Variants in POU2F1 observed in about 807,000 individuals in gnomAD.
POU2F1 encodes POU domain, class 2, transcription factor 1.
POU2F1 carries 16 observed loss-of-function variants against 84.9 expected under a neutral mutation model. The observed-to-expected ratio is 0.19, with a 90% CI of 0.13 to 0.29. POU2F1 has a LOEUF of 0.29. Ranked by LOEUF, POU2F1 falls within the 10% of genes least tolerant of loss-of-function variation. POU2F1 has a pLI of 1.00. For synonymous variants in POU2F1, 368 were observed against 368.3 expected (o/e 1.00, Z 0.01); for missense variants, 738 against 942.6 (o/e 0.78, Z 2.84).
At chr1:167,310,185 G>A (rs572459470) in intron 1 of POU2F1, among the ~76,000 whole-genome samples, 2 of 152,078 alleles carry the variant, frequency 1.3e-5, no homozygotes, top group Non-Finnish European at 2.9e-5. Flanking sequence ...TGGACTGTTA[G>A]AGAGGGGAAG....
intron 1 of POU2F1, among the ~76,000 whole-genome samples, chr1:167,297,133 A>G (rs1654338008): frequency 6.6e-6 from 1 of 152,224 alleles, no homozygotes; most frequent in South Asian, 2.1e-4. Context: ...TGCATATACA[A>G]CAGGAGTTTT....
intron 1 of POU2F1, among the ~76,000 whole-genome samples, chr1:167,266,621 A>T (rs532423386): frequency 1.3e-5 from 2 of 149,850 alleles, no homozygotes; most frequent in South Asian, 4.2e-4. Context: ...TAATACTATT[A>T]ATTTTTTTTT....
At chr1:167,262,166 C>CT (rs1248832644) in intron 1 of POU2F1, among the ~76,000 whole-genome samples, 2 of 151,974 alleles carry the variant, frequency 1.3e-5, no homozygotes, top group Non-Finnish European at 2.9e-5. Flanking sequence ...ATAAATGTTG[C>CT]TTTTTTTGAG....
intron 1 of POU2F1, among the ~76,000 whole-genome samples, chr1:167,232,616 G>A (rs1298178952): frequency 1.3e-5 from 2 of 152,134 alleles, no homozygotes; most frequent in African/African-American, 4.8e-5. Flanking sequence ...GCCGAGGTGG[G>A]CAGATCACCT....
intron 1 of POU2F1, among the ~76,000 whole-genome samples, chr1:167,279,765 G>A (rs905559825): frequency 5.3e-5 from 8 of 152,148 alleles, no homozygotes; most frequent in African/African-American, 1.4e-4. Context: ...TGGGAGTTGG[G>A]TGGGGACAGA....
rs1175783404 is a variant in POU2F1 at position 167,391,559 on chromosome 1, C to CTTTT, written c.987+1823_987+1826dup. Among the ~76,000 whole-genome samples, 21 of 57,894 alleles carry CTTTT rather than the reference C, an allele frequency of 3.6e-4. 1 individual carries two copies. Among genetic ancestry groups the CTTTT allele is most frequent in the Non-Finnish European group, 4.2e-4 (14 of 33,260 alleles). 38.0% of individuals were successfully genotyped at this position (57,894 alleles called of 152,430 possible). A position where few individuals can be genotyped will look rare whatever the true frequency, so the allele number is the denominator to read the frequency against. On this transcript the variant is annotated intron_variant, in intron 9 of 15. Coordinates refer to ENST00000367866, the MANE Select transcript of POU2F1 (RefSeq NM_002697.4). ...CATTTATATATATCTTTATATATAT[C>CTTTT]TTTTTTTTTTTTTTTTTTTTTTTTT... is the stretch of plus-strand genomic sequence containing the variant.
chr1:167,251,137 G>A (rs1468420159), intron 1 of POU2F1, among the ~76,000 whole-genome samples: 1 of 152,178 alleles, frequency 6.6e-6, no homozygotes, highest in East Asian at 1.9e-4. Flanking sequence ...GGTGGCTCAT[G>A]CCTGTAATCC....
chr1:167,306,809 G>A (rs918214470), intron 1 of POU2F1, among the ~76,000 whole-genome samples: 2 of 152,110 alleles, frequency 1.3e-5, no homozygotes, highest in African/African-American at 4.8e-5. Flanking sequence ...TATTGGATTA[G>A]GCCCAGTCCT....
intron 2 of POU2F1, among the ~76,000 whole-genome samples, chr1:167,343,313 A>G (rs1657978449): frequency 6.6e-6 from 1 of 152,196 alleles, no homozygotes; most frequent in Admixed American, 6.5e-5. Flanking sequence ...TTTTAAAGGT[A>G]GTATCCATTT....
chr1:167,247,559 A>G (rs952434261), intron 1 of POU2F1, among the ~76,000 whole-genome samples: 10 of 152,154 alleles, frequency 6.6e-5, no homozygotes, highest in Non-Finnish European at 1.3e-4. Flanking sequence ...TTTGAGCTAT[A>G]TAGTACTTAC....
chr1:167,272,300 C>CT (rs35886551), intron 1 of POU2F1, among the ~76,000 whole-genome samples: 27,551 of 122,436 alleles, frequency 0.23, 3,187 homozygotes, highest in Non-Finnish European at 0.26. Context: ...TAAATATTAC[C>CT]TTTTTTTTTT....
intron 1 of POU2F1, among the ~76,000 whole-genome samples, chr1:167,239,191 C>T (rs968934820): frequency 6.6e-6 from 1 of 152,110 alleles, no homozygotes; most frequent in Non-Finnish European, 1.5e-5. Flanking sequence ...TTCTGACATA[C>T]GTAGTGTTCT....
intron 2 of POU2F1, among the ~76,000 whole-genome samples, chr1:167,345,887 TA>T (rs35182063): frequency 0.72 from 108,684 of 151,600 alleles, 39,169 homozygotes; most frequent in East Asian, 0.87. Flanking sequence ...GAGCCTGGAA[TA>T]AGTGGCTCAC....
intron 7 of POU2F1, chr1:167,380,893 C>T (rs544935172): frequency 6.6e-6 from 1 of 152,240 alleles, no homozygotes; most frequent in Non-Finnish European, 1.5e-5. Context: ...AATTATTTTT[C>T]ATGGGAAAAT....
intron 1 of POU2F1, among the ~76,000 whole-genome samples, chr1:167,237,762 ATATATATATATTTTTTTTTT>A (rs1356806166): frequency 6.5e-4 from 13 of 19,996 alleles, no homozygotes; most frequent in African/African-American, 1.2e-3. Flanking sequence ...ATATATATAT[ATATATATATATTTTTTTTTT>A]TTTTTTTTTT....
intron 1 of POU2F1, among the ~76,000 whole-genome samples, chr1:167,242,962 C>G (rs1291778367): frequency 6.6e-6 from 1 of 152,028 alleles, no homozygotes; most frequent in African/African-American, 2.4e-5. Flanking sequence ...CTCTCTCCCC[C>G]GCTTTCTTTC....
intron 1 of POU2F1, among the ~76,000 whole-genome samples, chr1:167,251,835 T>A (rs1187323924): frequency 6.6e-6 from 1 of 151,900 alleles, no homozygotes; most frequent in African/African-American, 2.4e-5. Flanking sequence ...TATTTTTTGT[T>A]TCTTCGTTAT....
At chr1:167,405,782 A>G (rs2101928757) in intron 13 of POU2F1, among the ~76,000 whole-genome samples, 1 of 152,324 alleles carries the variant, frequency 6.6e-6, no homozygotes, top group South Asian at 2.1e-4. Context: ...TGGTCCAGCA[A>G]CAGCAGAAAA....
intron 12 of POU2F1, among the ~76,000 whole-genome samples, chr1:167,399,737 G>A (rs779330746): frequency 1.3e-4 from 20 of 152,038 alleles, no homozygotes; most frequent in African/African-American, 3.4e-4. Flanking sequence ...GCATTGGTGC[G>A]ATCTTGGCTC....
Sources: gnomAD v4.1 joint callset for allele counts (sites outside exome capture counted in the v4.1 genomes callset) on GRCh38, gnomAD v4.1.1 for gene constraint, MANE v1.5 for transcripts, NCBI Gene and HGNC (gene_info 2026-07-23, HGNC 2026-07-21) for gene names.